The following SNTB1 variants were observed in gnomAD, a reference collection of about 807,000 sequenced individuals.
The protein encoded by SNTB1 is beta-1-syntrophin.
SNTB1 carries 36 observed loss-of-function variants against 48.9 expected under a neutral mutation model. The ratio of observed to expected loss-of-function variants is 0.74; its 90% CI spans 0.56 to 0.97. The LOEUF (loss-of-function observed/expected upper bound fraction) is 0.97. Among genes scored for constraint, SNTB1 ranks in the 50% least tolerant of loss-of-function variants. SNTB1 has a pLI of 0.00. For synonymous variants in SNTB1, 299 were observed against 294.6 expected (o/e 1.01, Z -0.15); for missense variants, 786 against 703.4 (o/e 1.12, Z -1.33).
chr8:120,730,960 A>G (rs1322389986), intron 1 of SNTB1, among the ~76,000 whole-genome samples: 2 of 152,028 alleles, frequency 1.3e-5, no homozygotes, highest in Non-Finnish European at 2.9e-5. Context: ...GTCTCTACTA[A>G]AAATACAAAA....
At chr8:120,628,466 T>G (rs1816921461) in intron 3 of SNTB1, among the ~76,000 whole-genome samples, 1 of 152,132 alleles carries the variant, frequency 6.6e-6, no homozygotes, top group Non-Finnish European at 1.5e-5. Context: ...AGTTAAAAGA[T>G]GTGAGGCTGG....
intron 1 of SNTB1, among the ~76,000 whole-genome samples, chr8:120,746,626 G>A (rs1819130347): frequency 6.6e-6 from 1 of 152,012 alleles, no homozygotes; most frequent in African/African-American, 2.4e-5. Context: ...TAAACCAAGT[G>A]GTCATTTTTC....
At chr8:120,750,909 AC>A (rs36050626) in intron 1 of SNTB1, among the ~76,000 whole-genome samples, 4,526 of 151,910 alleles carry the variant, frequency 0.03, 210 homozygotes, top group African/African-American at 0.1. Context: ...TCCCCAAGCT[AC>A]CCCCCATCTG....
chr8:120,754,503 G>C (rs1819280829), intron 1 of SNTB1, among the ~76,000 whole-genome samples: 1 of 151,880 alleles, frequency 6.6e-6, no homozygotes, highest in Admixed American at 6.6e-5. Context: ...AGAAGAAGAA[G>C]AAAAAGAAAT....
chr8:120,710,908 A>G (rs1413551246), intron 1 of SNTB1, among the ~76,000 whole-genome samples: 1 of 152,240 alleles, frequency 6.6e-6, no homozygotes, highest in Non-Finnish European at 1.5e-5. Context: ...TTTAACACAC[A>G]TTCTGAAATG....
At chr8:120,655,413 A>G (rs1236920228) in intron 2 of SNTB1, among the ~76,000 whole-genome samples, 2 of 152,206 alleles carry the variant, frequency 1.3e-5, no homozygotes, top group Admixed American at 1.3e-4. Flanking sequence ...CTCCACCACC[A>G]TACTTGTTCA....
At position 120,632,548 on chromosome 8, in the gene SNTB1, T is replaced by A. The variant is rs1283626322; in HGVS notation, c.892A>T (p.Asn298Tyr). The A allele has an allele frequency of 1.2e-6, 2 of 1,614,088 alleles. No individual in the cohort carries two copies. ...GCAATCACTCGGGTCAGCAGGTCAT[T>A]AACGTTGGAATGGATGGCACTGAAC... The part of the protein sequence containing the change: ...AWFSAIHSNV[N>Y]DLLTRVIAEV... Residue 298 changes from asparagine to tyrosine, a missense_variant, in exon 3 of 7, where the codon AAT (asparagine) becomes TAT (tyrosine). Transcript: ENST00000517992.
intron 1 of SNTB1, among the ~76,000 whole-genome samples, chr8:120,791,998 TG>T (rs934114971): frequency 1.2e-4 from 18 of 151,866 alleles, no homozygotes; most frequent in African/African-American, 4.1e-4. Context: ...TGCATGGGTA[TG>T]TTTATTACAG....
chr8:120,748,923 A>C (rs754071542), intron 1 of SNTB1, among the ~76,000 whole-genome samples: 2 of 152,192 alleles, frequency 1.3e-5, no homozygotes, highest in African/African-American at 2.4e-5. Context: ...CTCTTCTACA[A>C]ATTATAGGAA....
At chr8:120,740,002 C>T (rs777265676) in intron 1 of SNTB1, among the ~76,000 whole-genome samples, 10 of 152,146 alleles carry the variant, frequency 6.6e-5, no homozygotes, top group Non-Finnish European at 1.3e-4. Flanking sequence ...CCTGTCTATA[C>T]CCAGGGGAAA....
intron 1 of SNTB1, among the ~76,000 whole-genome samples, chr8:120,782,793 A>T (rs573472294): frequency 6.6e-6 from 1 of 152,332 alleles, no homozygotes; most frequent in Admixed American, 6.5e-5. Context: ...AAATCTGAGC[A>T]CCTCAAACTG....
At chr8:120,758,265 G>C (rs754833024) in intron 1 of SNTB1, among the ~76,000 whole-genome samples, 167 of 152,204 alleles carry the variant, frequency 1.1e-3, no homozygotes, top group Non-Finnish European at 2.1e-3. Flanking sequence ...CAAATTGATT[G>C]TGTCACTTGC....
chr8:120,641,497 A>G (rs952796363), intron 2 of SNTB1, among the ~76,000 whole-genome samples: 2 of 152,240 alleles, frequency 1.3e-5, no homozygotes, highest in Admixed American at 6.5e-5. Context: ...GAAAGAAAGA[A>G]AAAAGGGTAT....
At chr8:120,717,849 A>G (rs1193835370) in intron 1 of SNTB1, among the ~76,000 whole-genome samples, 1 of 152,204 alleles carries the variant, frequency 6.6e-6, no homozygotes, top group African/African-American at 2.4e-5. Flanking sequence ...GCAAAAATAA[A>G]ATGAAAAACA....
chr8:120,708,962 G>A (rs903407755), intron 1 of SNTB1, among the ~76,000 whole-genome samples: 2 of 152,106 alleles, frequency 1.3e-5, no homozygotes, highest in Admixed American at 1.3e-4. Flanking sequence ...ATGTTGCACT[G>A]GAAGTCCTAA....
intron 2 of SNTB1, among the ~76,000 whole-genome samples, chr8:120,688,030 A>T (rs745414989): frequency 9.9e-5 from 15 of 152,216 alleles, no homozygotes; most frequent in Admixed American, 6.5e-4. Context: ...TCTCTGAATC[A>T]CAGTGCAGCC....
At chr8:120,540,908 G>GT (rs1815276205) in intron 6 of SNTB1, among the ~76,000 whole-genome samples, 1 of 152,152 alleles carries the variant, frequency 6.6e-6, no homozygotes, top group African/African-American at 2.4e-5. Flanking sequence ...CCTAGGGTCT[G>GT]TTAGGTGTGT....
intron 2 of SNTB1, among the ~76,000 whole-genome samples, chr8:120,674,974 GCAAA>G (rs1205501557): frequency 1.3e-5 from 2 of 152,198 alleles, no homozygotes; most frequent in African/African-American, 2.4e-5. Context: ...TTTTGCTGAG[GCAAA>G]CAGAGACAAA....
chr8:120,543,755 A>T (rs1815331618), intron 5 of SNTB1, among the ~76,000 whole-genome samples: 1 of 152,186 alleles, frequency 6.6e-6, no homozygotes, highest in South Asian at 2.1e-4. Context: ...AGCTCTGATT[A>T]AAACATATGC....
Sources: allele counts gnomAD v4.1 joint callset (sites outside exome capture counted in the v4.1 genomes callset), GRCh38; gene constraint gnomAD v4.1.1; transcripts MANE v1.5; gene names NCBI Gene and HGNC (gene_info 2026-07-23, HGNC 2026-07-21).